The following SOX6 variants were observed in gnomAD, a reference collection of about 807,000 sequenced individuals.
SOX6 encodes transcription factor SOX-6.
Under a neutral mutation model 97.8 loss-of-function variants are expected in SOX6, and 11 were observed. That is an observed-to-expected ratio of 0.11 (90% CI 0.07 to 0.19). The LOEUF (loss-of-function observed/expected upper bound fraction) is 0.19. Ranked by LOEUF, SOX6 falls within the 10% of genes least tolerant of loss-of-function variation. SOX6 has a pLI of 1.00. For synonymous variants in SOX6, 360 were observed against 371.4 expected, an observed-to-expected ratio of 0.97 and a Z score of 0.35; for missense variants, 810 against 1,039.5, an observed-to-expected ratio of 0.78 and a Z score of 3.04.
intron 3 of SOX6, among the ~76,000 whole-genome samples, chr11:16,625,661 G>C (rs1029067884): frequency 2.0e-5 from 3 of 152,130 alleles, no homozygotes; most frequent in Non-Finnish European, 4.4e-5. Context: ...GGAAGGAATG[G>C]GGGATAGGAA....
chr11:15,972,995 G>A lies in SOX6; in HGVS notation c.2301C>T (p.Ala767=). 14 of 1,614,208 alleles carry A rather than the reference G, an allele frequency of 8.7e-6. No individual in the cohort carries two copies. The highest frequency in any genetic ancestry group is 4.5e-5 in the East Asian group (2 of 44,880). The change falls in exon 16 of 16, where the codon GCC becomes GCT. Residue 767 remains alanine, a synonymous_variant. Coordinates refer to ENST00000683767, the MANE Select transcript of SOX6 (RefSeq NM_001367873.1). The part of the protein sequence containing the change: ...QMTSDCSSTS[A]SPEPSLPVIQ... Reference sequence around the variant, plus strand: ...TGACCGGGAGGCTGGGCTCCGGGCTGGCCGAGGTGCTAGAGCAGTCAGATG... The same window carrying A: ...TGACCGGGAGGCTGGGCTCCGGGCTAGCCGAGGTGCTAGAGCAGTCAGATG...
At chr11:16,653,961 C>A (rs973682979) in intron 3 of SOX6, among the ~76,000 whole-genome samples, 4 of 151,566 alleles carry the variant, frequency 2.6e-5, no homozygotes, top group African/African-American at 9.7e-5. Flanking sequence ...ACAAAATAAT[C>A]TGATTTTAAG....
chr11:16,153,301 C>G (rs1850507697), intron 6 of SOX6, among the ~76,000 whole-genome samples: 1 of 152,142 alleles, frequency 6.6e-6, no homozygotes, highest in African/African-American at 2.4e-5. Context: ...AGTCACTGCA[C>G]CTGGCCTAGA....
rs1294023937 is a variant in SOX6 at position 15,994,105 on chromosome 11, GT to G, written c.1733-4876del. Among the ~76,000 whole-genome samples the G allele has an allele frequency of 2.6e-5, 4 of 152,250 alleles. No individual in the cohort carries two copies. The East Asian group carries it at 7.7e-4, about 29-fold the overall frequency. ...CAAAGATAAATAACATGTGCACTTTGTTTTTAAGGAATTTGGTCCAATGGGA... is the reference window on the plus strand; with the variant it reads ...CAAAGATAAATAACATGTGCACTTTGTTTTAAGGAATTTGGTCCAATGGGA... On this transcript the variant is annotated intron_variant, in intron 13 of 15. Transcript: ENST00000683767.
chr11:16,202,530 C>G (rs1851968474), intron 4 of SOX6, among the ~76,000 whole-genome samples: 1 of 152,104 alleles, frequency 6.6e-6, no homozygotes. Flanking sequence ...CTACAGCCTA[C>G]AATTATTCAA....
intron 3 of SOX6, among the ~76,000 whole-genome samples, chr11:16,309,077 T>C (rs887024475): frequency 6.6e-6 from 1 of 152,168 alleles, no homozygotes; most frequent in African/African-American, 2.4e-5. Flanking sequence ...CACACACACA[T>C]ATTGCAGCAG....
intron 12 of SOX6, among the ~76,000 whole-genome samples, chr11:16,021,123 T>C (rs1339998280): frequency 6.6e-6 from 1 of 152,216 alleles, no homozygotes; most frequent in Non-Finnish European, 1.5e-5. Flanking sequence ...TTGGAATTTC[T>C]GCAGATTAAT....
intron 3 of SOX6, among the ~76,000 whole-genome samples, chr11:16,282,458 G>T (rs890384110): frequency 2.0e-5 from 3 of 151,556 alleles, no homozygotes; most frequent in African/African-American, 7.2e-5. Context: ...CACAATGAAT[G>T]TGAAGTAGAG....
At chr11:16,064,950 C>G (rs1848057952) in intron 9 of SOX6, among the ~76,000 whole-genome samples, 1 of 151,974 alleles carries the variant, frequency 6.6e-6, no homozygotes, top group Non-Finnish European at 1.5e-5. Flanking sequence ...CCTCTAAGAT[C>G]TGGAACATGA....
At chr11:16,672,671 C>T (rs1448650632) in intron 3 of SOX6, among the ~76,000 whole-genome samples, 1 of 152,166 alleles carries the variant, frequency 6.6e-6, no homozygotes, top group Non-Finnish European at 1.5e-5. Context: ...CCTCCCATGA[C>T]ACATGGGAAT....
intron 4 of SOX6, among the ~76,000 whole-genome samples, chr11:16,199,479 C>T (rs1356879847): frequency 1.3e-5 from 2 of 152,100 alleles, no homozygotes; most frequent in African/African-American, 2.4e-5. Flanking sequence ...ATTCCTAAGC[C>T]AGTTGGTCTG....
At chr11:16,110,585 T>C (rs972565287) in intron 7 of SOX6, among the ~76,000 whole-genome samples, 3 of 152,166 alleles carry the variant, frequency 2.0e-5, no homozygotes, top group African/African-American at 2.4e-5. Flanking sequence ...GTTTGATTCA[T>C]TTATATGTGA....
At chr11:16,415,251 T>C (rs936773356) in intron 1 of SOX6, among the ~76,000 whole-genome samples, 4 of 151,824 alleles carry the variant, frequency 2.6e-5, no homozygotes, top group Non-Finnish European at 4.4e-5. Flanking sequence ...AAAAATAAAA[T>C]ATAACTATTT....
intron 11 of SOX6, among the ~76,000 whole-genome samples, chr11:16,048,253 G>T (rs980793792): frequency 1.3e-5 from 2 of 152,128 alleles, no homozygotes; most frequent in African/African-American, 2.4e-5. Flanking sequence ...TCACATGCTG[G>T]AAATGATTTA....
intron 3 of SOX6, among the ~76,000 whole-genome samples, chr11:16,252,058 T>G (rs778790536): frequency 6.6e-5 from 10 of 152,122 alleles, no homozygotes; most frequent in Non-Finnish European, 1.2e-4. Context: ...TTATTAATGG[T>G]AAAACAATGA....
chr11:16,059,555 A>T (rs1847896401), intron 9 of SOX6, among the ~76,000 whole-genome samples: 1 of 152,084 alleles, frequency 6.6e-6, no homozygotes, highest in South Asian at 2.1e-4. Context: ...ATGTAATTAA[A>T]TGAAAGCTTA....
chr11:16,648,455 T>A (rs1219929313), intron 3 of SOX6, among the ~76,000 whole-genome samples: 1 of 152,010 alleles, frequency 6.6e-6, no homozygotes, highest in East Asian at 1.9e-4. Context: ...TGGGAGCCCA[T>A]CACCTGAGAA....
intron 6 of SOX6, among the ~76,000 whole-genome samples, chr11:16,132,497 A>AAGCAAGCAAGC (rs1259620154): frequency 9.4e-4 from 92 of 97,436 alleles, no homozygotes; most frequent in Middle Eastern, 9.3e-3. Context: ...AGAAAGAAAG[A>AAGCAAGCAAGC]AAGAAAGAAA....
intron 4 of SOX6, among the ~76,000 whole-genome samples, chr11:16,486,140 C>T (rs1860429962): frequency 6.6e-6 from 1 of 151,834 alleles, no homozygotes; most frequent in Non-Finnish European, 1.5e-5. Context: ...TGACTTAATC[C>T]ATGGTACAGA....
Sources: allele counts gnomAD v4.1 joint callset (sites outside exome capture counted in the v4.1 genomes callset), GRCh38; gene constraint gnomAD v4.1.1; transcripts MANE v1.5; gene names NCBI Gene and HGNC (gene_info 2026-07-23, HGNC 2026-07-21).